EXT1: variants seen among roughly 807,000 people sequenced by gnomAD.
EXT1 encodes the protein exostosin-1.
In EXT1, 20 loss-of-function variants were observed where a neutral mutation model predicts 82.5. The ratio of observed to expected loss-of-function variants is 0.24; its 90% CI spans 0.17 to 0.35. The LOEUF (loss-of-function observed/expected upper bound fraction) is 0.35, where lower values mean the gene tolerates loss of function less well. EXT1 is among the 10% of genes least tolerant of loss of function. The pLI, the probability that EXT1 is intolerant of heterozygous loss-of-function variation, is 1.00. For synonymous variants in EXT1, 348 were observed against 350.8 expected (o/e 0.99, Z 0.09); for missense variants, 757 against 936.5 (o/e 0.81, Z 2.50).
At chr8:117,948,408 A>G (rs1814429618) in intron 1 of EXT1, among the ~76,000 whole-genome samples, 1 of 152,140 alleles carries the variant, frequency 6.6e-6, no homozygotes, top group Admixed American at 6.5e-5. Flanking sequence ...AGGTCAACAA[A>G]TGTTCACCCT....
chr8:118,105,296 A>G (rs1817788481), intron 1 of EXT1, among the ~76,000 whole-genome samples: 1 of 152,214 alleles, frequency 6.6e-6, no homozygotes, highest in African/African-American at 2.4e-5. Flanking sequence ...TTTGCCATCC[A>G]AAGTTGCTGT....
At chr8:117,996,202 C>T (rs1385022654) in intron 1 of EXT1, among the ~76,000 whole-genome samples, 3 of 152,156 alleles carry the variant, frequency 2.0e-5, no homozygotes, top group Admixed American at 6.6e-5. Flanking sequence ...CTACAGGAAG[C>T]GGCCACAGAA....
chr8:118,091,104 C>T (rs1246993200), intron 1 of EXT1, among the ~76,000 whole-genome samples: 1 of 152,154 alleles, frequency 6.6e-6, no homozygotes, highest in Non-Finnish European at 1.5e-5. Flanking sequence ...TCAATGAGTT[C>T]ACTATCTCTC....
At chr8:118,070,840 T>C (rs921995377) in intron 1 of EXT1, among the ~76,000 whole-genome samples, 12 of 152,032 alleles carry the variant, frequency 7.9e-5, no homozygotes, top group African/African-American at 2.9e-4. Flanking sequence ...AGAAAAGGGA[T>C]CTCAAGAGGT....
intron 1 of EXT1, among the ~76,000 whole-genome samples, chr8:118,070,937 G>A (rs531758449): frequency 6.6e-6 from 1 of 152,282 alleles, no homozygotes; most frequent in East Asian, 1.9e-4. Flanking sequence ...CGATTTGAAT[G>A]TTCCTGAGGC....
chr8:117,804,592 A>G lies in EXT1; in HGVS notation c.2055+130T>C, dbSNP rs939452416. Reference sequence around the variant, plus strand: ...TCATACACTCTTTTCTAGCTTTCAGATGTAGTTCATTCCTGGTTTCTCCTC... The same window carrying G: ...TCATACACTCTTTTCTAGCTTTCAGGTGTAGTTCATTCCTGGTTTCTCCTC... On this transcript the variant is annotated intron_variant, in intron 10 of 10. Coordinates refer to ENST00000378204, the MANE Select transcript of EXT1 (RefSeq NM_000127.3). 4 of 981,962 alleles carry G rather than the reference A, an allele frequency of 4.1e-6. No homozygotes were observed. In the African/African-American group the frequency reaches 6.4e-5, roughly 16 times the overall value. The allele number at this position is 981,962 out of a possible 1,614,324, so 60.8% of individuals were successfully genotyped here.
intron 10 of EXT1, among the ~76,000 whole-genome samples, chr8:117,800,456 G>A (rs1034337929): frequency 2.0e-5 from 3 of 152,096 alleles, no homozygotes; most frequent in Non-Finnish European, 2.9e-5. Flanking sequence ...ACAAAATAGT[G>A]CCTTTTACAT....
intron 1 of EXT1, among the ~76,000 whole-genome samples, chr8:117,913,048 AC>A (rs1268783876): frequency 6.6e-6 from 1 of 152,006 alleles, no homozygotes; most frequent in African/African-American, 2.4e-5. Flanking sequence ...ACATGTTAAA[AC>A]CCTGTCTCTA....
Position 117,951,152 on chromosome 8 carries a change from T to C in EXT1, c.963-113951A>G, listed in dbSNP as rs143988182. Among the ~76,000 whole-genome samples, 164 of 152,272 alleles carry C rather than the reference T, an allele frequency of 1.1e-3. 1 individual carries two copies. The highest frequency in any genetic ancestry group is 1.5e-3 in the Non-Finnish European group (103 of 68,008). ...AAGGAGAAAGTGAGAGAAGAGGTAA[T>C]GTTTTAGAGTGTTATCGTGACTGGT... On this transcript the variant is annotated intron_variant, in intron 1 of 10. Coordinates refer to ENST00000378204, the MANE Select transcript of EXT1 (RefSeq NM_000127.3).
At chr8:118,015,944 G>A (rs775122329) in intron 1 of EXT1, among the ~76,000 whole-genome samples, 1 of 152,204 alleles carries the variant, frequency 6.6e-6, no homozygotes, top group Non-Finnish European at 1.5e-5. Context: ...CTGGAGTTAG[G>A]CTGTGCCACA....
chr8:118,049,909 C>T (rs1816690398), intron 1 of EXT1, among the ~76,000 whole-genome samples: 1 of 152,146 alleles, frequency 6.6e-6, no homozygotes, highest in Non-Finnish European at 1.5e-5. Flanking sequence ...CTCAAAATGT[C>T]ACCTGTGAAC....
chr8:117,863,803 G>A (rs1194819665), intron 1 of EXT1, among the ~76,000 whole-genome samples: 2 of 152,152 alleles, frequency 1.3e-5, no homozygotes, highest in African/African-American at 4.8e-5. Context: ...GGTGGAAGGA[G>A]CAGAACTAAC....
Position 117,953,802 on chromosome 8 carries a change from C to T in EXT1, c.963-116601G>A, listed in dbSNP as rs61016956. On this transcript the variant is annotated intron_variant, in intron 1 of 10. Coordinates refer to ENST00000378204, the MANE Select transcript of EXT1 (RefSeq NM_000127.3). The stretch of plus-strand genomic sequence containing the variant: ...AAACTCTCCTGTAGTCCCAGCTACT[C>T]GGGAGGCTGAGGCAGGAGAATCACA... Among the ~76,000 whole-genome samples the T allele has an allele frequency of 6.4e-3, 974 of 152,014 alleles. 15 individuals carry two copies. Among genetic ancestry groups the T allele is most frequent in the African/African-American group, 0.022 (930 of 41,442 alleles).
chr8:117,970,154 G>A (rs531622665), intron 1 of EXT1, among the ~76,000 whole-genome samples: 55 of 152,234 alleles, frequency 3.6e-4, no homozygotes, highest in African/African-American at 1.2e-3. Flanking sequence ...TTAACCCCAA[G>A]ATCTTTTTTA....
At chr8:118,081,130 G>A (rs1039708706) in intron 1 of EXT1, among the ~76,000 whole-genome samples, 3 of 152,164 alleles carry the variant, frequency 2.0e-5, no homozygotes, top group Admixed American at 6.5e-5. Flanking sequence ...CCATTTTACC[G>A]ATGAGGAAAT....
chr8:118,066,522 A>G (rs770608413), intron 1 of EXT1, among the ~76,000 whole-genome samples: 1 of 151,678 alleles, frequency 6.6e-6, no homozygotes, highest in African/African-American at 2.4e-5. Flanking sequence ...CCCACACCCA[A>G]AATAGTTTTT....
chr8:117,969,002 A>C (rs1814885774), intron 1 of EXT1, among the ~76,000 whole-genome samples: 1 of 152,256 alleles, frequency 6.6e-6, no homozygotes, highest in Non-Finnish European at 1.5e-5. Context: ...TAAAAGAAGG[A>C]AAATGCGAAA....
At chr8:118,023,300 G>T (rs1213638286) in intron 1 of EXT1, among the ~76,000 whole-genome samples, 3 of 152,190 alleles carry the variant, frequency 2.0e-5, no homozygotes, top group Non-Finnish European at 2.9e-5. Context: ...TAAACAATGG[G>T]TTAATTATAA....
At chr8:118,006,261 A>G (rs1563627288) in intron 1 of EXT1, among the ~76,000 whole-genome samples, 1 of 152,316 alleles carries the variant, frequency 6.6e-6, no homozygotes, top group East Asian at 1.9e-4. Context: ...GACAACATCA[A>G]CAATGGGGGT....
Sources: gnomAD v4.1 joint callset for allele counts (sites outside exome capture counted in the v4.1 genomes callset) on GRCh38, gnomAD v4.1.1 for gene constraint, MANE v1.5 for transcripts, NCBI Gene and HGNC (gene_info 2026-07-23, HGNC 2026-07-21) for gene names.